RALGAPB: variants seen among roughly 807,000 people sequenced by gnomAD.
RALGAPB encodes Ral GTPase activating protein non-catalytic subunit beta, also known as ral GTPase-activating protein subunit beta.
RALGAPB carries 25 observed loss-of-function variants against 161.1 expected under a neutral mutation model. The ratio of observed to expected loss-of-function variants is 0.16; its 90% CI spans 0.11 to 0.22. The LOEUF is 0.22. Ranked by LOEUF, RALGAPB falls within the 10% of genes least tolerant of loss-of-function variation. RALGAPB has a pLI of 1.00. For missense variants in RALGAPB, 1,391 were observed against 1,815.2 expected (o/e 0.77, Z 4.25); for synonymous variants, 629 against 626.1 (o/e 1.00, Z -0.07).
chr20:38,519,825 C>CT (rs922185868), intron 9 of RALGAPB, among the ~76,000 whole-genome samples: 34 of 152,260 alleles, frequency 2.2e-4, no homozygotes, highest in Non-Finnish European at 3.8e-4. Flanking sequence ...TACTGGCTGC[C>CT]ATCAAGGAAT....
chr20:38,541,043 C>G lies in RALGAPB; in HGVS notation c.2565C>G (p.Asp855Glu), dbSNP rs1356240487. The G allele has an allele frequency of 6.2e-7, 1 of 1,612,340 alleles. No homozygotes were observed. The highest frequency in any genetic ancestry group is 8.5e-7 in the Non-Finnish European group (1 of 1,179,154). ...TEHPDMLDEK[D>E]CLKEVLEIVE... ...TGATCTGCCTTTCCTGCTTTTAGGA[C>G]TGCCTTAAGGAAGTACTGGAGATTG... Residue 855 changes from aspartate (D) to glutamate (E), a missense_variant and splice_region_variant, in exon 18 of 30, where the codon GAC becomes GAG. Transcript: ENST00000262879.
intron 5 of RALGAPB, among the ~76,000 whole-genome samples, chr20:38,501,696 T>G (rs1366170005): frequency 6.6e-6 from 1 of 152,146 alleles, no homozygotes; most frequent in Non-Finnish European, 1.5e-5. Flanking sequence ...TGAGCCACTG[T>G]GCCCAGCGTG....
chr20:38,537,671 A>G (rs2145369960), intron 16 of RALGAPB: 1 of 152,324 alleles, frequency 6.6e-6, no homozygotes, highest in Middle Eastern at 3.4e-3. Context: ...TAAAGCATAT[A>G]TTTGATGAAA....
chr20:38,510,784 C>T (rs1314921623), intron 6 of RALGAPB, among the ~76,000 whole-genome samples: 1 of 140,506 alleles, frequency 7.1e-6, no homozygotes. Context: ...GTGGCGGGCG[C>T]CTGTAGTCCC....
At chr20:38,550,568 A>C (rs1037727634) in intron 20 of RALGAPB, among the ~76,000 whole-genome samples, 1 of 152,204 alleles carries the variant, frequency 6.6e-6, no homozygotes, top group Non-Finnish European at 1.5e-5. Context: ...AGGGTTCACC[A>C]TGTACCCATA....
intron 9 of RALGAPB, 45 bp downstream of exon 9, chr20:38,518,045 T>C: frequency 6.6e-7 from 1 of 1,516,810 alleles, no homozygotes. Context: ...TTCCTTTTCC[T>C]TTTTCTTTTT....
At chr20:38,521,845 T>C in intron 10 of RALGAPB, 147 bp downstream of exon 10, 1 of 870,828 alleles carries the variant, frequency 1.1e-6, no homozygotes, top group South Asian at 1.8e-5. Context: ...ATCTTTCATT[T>C]TACCTGTCTC....
At chr20:38,492,872 T>A (rs2085318330) in intron 2 of RALGAPB, 58 bp from the exon 3 acceptor site, 4 of 1,372,552 alleles carry the variant, frequency 2.9e-6, no homozygotes, top group African/African-American at 2.9e-5. Flanking sequence ...ACATTTTAAA[T>A]CAGTCTACTG....
At position 38,539,769 on chromosome 20, in the gene RALGAPB, T is replaced by C. The variant is rs2086912553; in HGVS notation, c.2380-7T>C. On this transcript the variant is annotated splice_polypyrimidine_tract_variant and splice_region_variant and intron_variant, in intron 16 of 29. Transcript: ENST00000262879. Reference sequence around the variant, plus strand: ...ATTGTTTTTGTTCTCCAAATGAATATGCTCAGGTAAAAGTGATGGTTGACT... The same window carrying C: ...ATTGTTTTTGTTCTCCAAATGAATACGCTCAGGTAAAAGTGATGGTTGACT... 6.2e-7 allele frequency: 1 copy of C among 1,609,648 alleles called. No individual in the cohort carries two copies. Among genetic ancestry groups the C allele is most frequent in the Middle Eastern group, 1.7e-4 (1 of 6,042 alleles).
intron 25 of RALGAPB, among the ~76,000 whole-genome samples, chr20:38,566,691 A>G (rs16987400): frequency 0.033 from 5,092 of 152,334 alleles, 130 homozygotes; most frequent in African/African-American, 0.072. Context: ...GCACAATGCT[A>G]CATGATTGAA....
At chr20:38,516,545 C>T (rs776542724) in intron 7 of RALGAPB, 175 bp downstream of exon 7, 11 of 646,184 alleles carry the variant, frequency 1.7e-5, no homozygotes, top group Non-Finnish European at 2.4e-5. Context: ...GTTATCGTTT[C>T]TATGTAAATA....
intron 5 of RALGAPB, among the ~76,000 whole-genome samples, chr20:38,503,055 A>C (rs1006976995): frequency 2.0e-5 from 3 of 152,238 alleles, no homozygotes; most frequent in Non-Finnish European, 2.9e-5. Context: ...TTGTACCAAC[A>C]CAATATCTTC....
chr20:38,520,181 G>T (rs2086247002), intron 9 of RALGAPB: 1 of 530,614 alleles, frequency 1.9e-6, no homozygotes, highest in Admixed American at 6.4e-5. Flanking sequence ...CATCTTTAAA[G>T]TATTTTATAA....
chr20:38,547,539 T>A (rs1363955866), intron 19 of RALGAPB: 1 of 152,244 alleles, frequency 6.6e-6, no homozygotes, highest in Non-Finnish European at 1.5e-5. Flanking sequence ...AAGATTTGCC[T>A]TCTTGCCTTT....
Position 38,494,455 on chromosome 20 carries a change from A to G in RALGAPB, c.389+1323A>G, listed in dbSNP as rs570426755. ...AGACCAGCCTGGCCAACATGGCGAAACCCTGTCTCTACTAAAAATACAAAA... is the reference window on the plus strand; with the variant it reads ...AGACCAGCCTGGCCAACATGGCGAAGCCCTGTCTCTACTAAAAATACAAAA... On this transcript the variant is annotated intron_variant, in intron 3 of 29. Coordinates refer to ENST00000262879, the MANE Select transcript of RALGAPB (RefSeq NM_020336.4). Among the ~76,000 whole-genome samples, 43 of 152,298 alleles carry G rather than the reference A, an allele frequency of 2.8e-4. No individual in the cohort carries two copies. The East Asian group carries it at 8.1e-3, about 29-fold the overall frequency.
chr20:38,521,806 T>C, intron 10 of RALGAPB, 108 bp downstream of exon 10: 5 of 1,085,196 alleles, frequency 4.6e-6, no homozygotes, highest in Non-Finnish European at 5.3e-6. Flanking sequence ...TACCTACAGA[T>C]GTCTGTAAGT....
chr20:38,570,678 C>A, intron 27 of RALGAPB, 91 bp from the exon 28 acceptor site: 2 of 781,106 alleles, frequency 2.6e-6, no homozygotes, highest in East Asian at 5.2e-5. Flanking sequence ...TTGCCACTCA[C>A]TTATGTAAAG....
At chr20:38,574,069 A>G (rs980342032) in intron 28 of RALGAPB, 81 bp from the exon 29 acceptor site, 1 of 1,391,512 alleles carries the variant, frequency 7.2e-7, no homozygotes, top group Non-Finnish European at 9.7e-7. Context: ...ATCTTAGGCT[A>G]TATGTGGGGG....
Position 38,531,213 on chromosome 20 carries a change from T to C in RALGAPB, c.2097T>C (p.Ile699=). The C allele has an allele frequency of 6.2e-7, 1 of 1,609,648 alleles. No individual in the cohort carries two copies. The highest frequency in any genetic ancestry group is 8.5e-7 in the Non-Finnish European group (1 of 1,176,076). ...IVQDSALLEA[I]GCQMEMGGGE... ...AAGATTCAGCACTTTTGGAAGCCAT[T>C]GGTTGCCAGATGGAGATGGTAAGAA... Residue 699 remains isoleucine (I), a synonymous_variant, in exon 14 of 30, where the codon ATT becomes ATC. Coordinates refer to ENST00000262879, the MANE Select transcript of RALGAPB (RefSeq NM_020336.4).
Sources: allele counts gnomAD v4.1 joint callset (sites outside exome capture counted in the v4.1 genomes callset), GRCh38; gene constraint gnomAD v4.1.1; transcripts MANE v1.5; gene names NCBI Gene and HGNC (gene_info 2026-07-23, HGNC 2026-07-21).